WDR33: variants seen among roughly 807,000 people sequenced by gnomAD.
WDR33 encodes the protein WD repeat domain 33.
WDR33 carries 47 observed loss-of-function variants against 164.9 expected under a neutral mutation model. That is an observed-to-expected ratio of 0.29 (90% CI 0.23 to 0.36). The LOEUF (loss-of-function observed/expected upper bound fraction) is 0.36. WDR33 is among the 10% of genes least tolerant of loss of function. The pLI, the probability that WDR33 is intolerant of heterozygous loss-of-function variation, is 1.00. For missense variants in WDR33, 1,137 were observed against 1,754.1 expected (o/e 0.65, Z 6.28); for synonymous variants, 505 against 589.0 (o/e 0.86, Z 2.06).
rs1276218823 is a variant in WDR33 at position 127,721,564 on chromosome 2, G to T, written c.1671+272C>A. ...GGAGGCAGAGGTTGTAGCAAGCCGT[G>T]ATCGCACCACTGCATTCCAGCCTGG... On this transcript the variant is annotated intron_variant, in intron 15 of 21. Coordinates refer to ENST00000322313, the MANE Select transcript of WDR33 (RefSeq NM_018383.5). This position sits in a 1 kb window ranked among gnomAD's most constrained non-coding sequence, Gnocchi z 4.9. Among the ~76,000 whole-genome samples the T allele has an allele frequency of 6.6e-6, 1 of 152,156 alleles. No individual in the cohort carries two copies. The highest frequency in any genetic ancestry group is 2.4e-5 in the African/African-American group (1 of 41,424).
intron 17 of WDR33, among the ~76,000 whole-genome samples, chr2:127,715,682 C>G (rs1051900747): frequency 6.6e-6 from 1 of 152,188 alleles, no homozygotes; most frequent in Non-Finnish European, 1.5e-5. Flanking sequence ...TCAGACACAG[C>G]AGACCTTTGG....
chr2:127,733,615 A>G (rs1269465480), intron 7 of WDR33, among the ~76,000 whole-genome samples: 2 of 152,196 alleles, frequency 1.3e-5, no homozygotes, highest in Admixed American at 6.5e-5. Context: ...TTTCTCAGTC[A>G]TATCAGTGAC....
chr2:127,740,866 G>A (rs986173456), intron 7 of WDR33, among the ~76,000 whole-genome samples: 3 of 152,122 alleles, frequency 2.0e-5, no homozygotes, highest in African/African-American at 4.8e-5. Flanking sequence ...AACTTATTTC[G>A]CAAGACTGAC....
At chr2:127,730,747 A>C (rs535680809) in intron 7 of WDR33, among the ~76,000 whole-genome samples, 1 of 152,228 alleles carries the variant, frequency 6.6e-6, no homozygotes. Context: ...TATGGTTACC[A>C]AAATGCAGAT....
chr2:127,738,208 A>T lies in WDR33; in HGVS notation c.725-11431T>A, dbSNP rs929105676. Among the ~76,000 whole-genome samples the T allele has an allele frequency of 9.9e-5, 15 of 152,234 alleles. No individual in the cohort carries two copies. Among genetic ancestry groups the T allele is most frequent in the Non-Finnish European group, 2.2e-4 (15 of 68,034 alleles). Reference sequence around the variant, plus strand: ...ATAACATATGCTCCAACTGGATCTTAACAAACATCTCCATTTCTGTTTCAA... The same window carrying T: ...ATAACATATGCTCCAACTGGATCTTTACAAACATCTCCATTTCTGTTTCAA... On this transcript the variant is annotated intron_variant, in intron 7 of 21. Transcript: ENST00000322313. The surrounding 1 kb of genome is among the most constrained non-coding windows in gnomAD (Gnocchi z 4.4).
chr2:127,797,399 G>A (rs1689078360), intron 1 of WDR33, among the ~76,000 whole-genome samples: 1 of 152,120 alleles, frequency 6.6e-6, no homozygotes, highest in South Asian at 2.1e-4. Context: ...GGCTGAGGCA[G>A]GAGAATCACT....
intron 1 of WDR33, among the ~76,000 whole-genome samples, chr2:127,790,128 C>T (rs1000909611): frequency 5.1e-4 from 78 of 152,214 alleles, no homozygotes; most frequent in Non-Finnish European, 5.3e-4. Context: ...TGAGCCACCA[C>T]GCTTGGCCTG....
At chr2:127,737,594 C>T (rs1348716095) in intron 7 of WDR33, 8 of 996,300 alleles carry the variant, frequency 8.0e-6, no homozygotes, top group Middle Eastern at 5.1e-4. Context: ...ACCTACACTA[C>T]GTTAATAATA....
chr2:127,788,629 G>T (rs1688713553), intron 1 of WDR33, among the ~76,000 whole-genome samples: 2 of 145,422 alleles, frequency 1.4e-5, no homozygotes, highest in African/African-American at 5.2e-5. Context: ...TCCCGGACGG[G>T]GCGGCTGGCC....
intron 21 of WDR33, among the ~76,000 whole-genome samples, chr2:127,707,229 T>TTA (rs774294592): frequency 9.0e-5 from 11 of 122,594 alleles, no homozygotes; most frequent in East Asian, 2.3e-4. Flanking sequence ...AGAATATATT[T>TTA]AAAAAAAAAA....
chr2:127,784,315 C>A (rs1416884426), intron 1 of WDR33, among the ~76,000 whole-genome samples: 1 of 152,198 alleles, frequency 6.6e-6, no homozygotes, highest in Non-Finnish European at 1.5e-5. Context: ...TTCTATGATA[C>A]TCTTTCCCAA....
intron 2 of WDR33, among the ~76,000 whole-genome samples, chr2:127,769,621 T>C (rs962619361): frequency 2.0e-5 from 3 of 152,126 alleles, no homozygotes; most frequent in Non-Finnish European, 2.9e-5. Context: ...ATTCCTCATA[T>C]CTTGCCCTTG....
intron 7 of WDR33, among the ~76,000 whole-genome samples, chr2:127,744,251 T>C (rs567345932): frequency 6.6e-6 from 1 of 152,304 alleles, no homozygotes; most frequent in African/African-American, 2.4e-5. Context: ...CTTAGGAGTC[T>C]AACCTAATGG....
In WDR33 at chr2:127,709,891, A is replaced by G. The variant is rs775747798; in HGVS notation, c.3309-35T>C. 1 of 1,607,534 alleles carries G rather than the reference A, an allele frequency of 6.2e-7. No homozygotes were observed. On this transcript the variant is annotated intron_variant, in intron 18 of 21. Transcript: ENST00000322313. The surrounding 1 kb of genome is among the most constrained non-coding windows in gnomAD (Gnocchi z 5.0). ...GAAAACAGCAGAATGTCCATCTCAG[A>G]GAACACCTTGCCACTCTAAGTTCAT...
intron 1 of WDR33, among the ~76,000 whole-genome samples, chr2:127,775,177 T>C (rs1389507983): frequency 2.0e-5 from 3 of 152,074 alleles, no homozygotes; most frequent in Non-Finnish European, 4.4e-5. Flanking sequence ...AATAATGGGC[T>C]TAATCTATTA....
At position 127,709,771 on chromosome 2, in the gene WDR33, G is replaced by T; in HGVS notation, c.3394C>A (p.Pro1132Thr). ...DGFPGPEDFGPEENFDASEEA... is the reference protein window; with the variant it reads ...DGFPGPEDFGTEENFDASEEA... ...TCAGAAGCATCAAAATTCTCCTCTG[G>T]ACCAAAGTCTTCAGGACCAGGAAAA... Residue 1132 changes from proline to threonine, a missense_variant, in exon 19 of 22, where the codon CCA (proline) becomes ACA (threonine). Coordinates refer to ENST00000322313, the MANE Select transcript of WDR33 (RefSeq NM_018383.5). The surrounding 1 kb of genome is among the most constrained non-coding windows in gnomAD (Gnocchi z 5.0). 6.2e-7 allele frequency: 1 copy of T among 1,614,160 alleles called. No individual in the cohort carries two copies. The highest frequency in any genetic ancestry group is 8.5e-7 in the Non-Finnish European group (1 of 1,180,034).
chr2:127,808,724 G>A (rs1263435225), intron 1 of WDR33, among the ~76,000 whole-genome samples: 1 of 151,638 alleles, frequency 6.6e-6, no homozygotes, highest in Non-Finnish European at 1.5e-5. Flanking sequence ...GTGAAACCCC[G>A]CCTCTACTAA....
chr2:127,762,900 T>G, intron 7 of WDR33, 162 bp downstream of exon 7: 1 of 1,422,570 alleles, frequency 7.0e-7, no homozygotes, highest in Admixed American at 2.9e-5. Context: ...AAAATGACTG[T>G]GAGTCAGAGA....
At chr2:127,737,423 T>G in intron 7 of WDR33, 2 of 985,488 alleles carry the variant, frequency 2.0e-6, no homozygotes, top group Non-Finnish European at 2.4e-6. Flanking sequence ...TAGTAAACAT[T>G]TCTGCAGATA....
Sources: allele counts gnomAD v4.1 joint callset (sites outside exome capture counted in the v4.1 genomes callset), GRCh38; gene constraint gnomAD v4.1.1; non-coding constraint Gnocchi (gnomAD v3.1); transcripts MANE v1.5; gene names NCBI Gene and HGNC (gene_info 2026-07-23, HGNC 2026-07-21).